MCTP2: variants seen among roughly 807,000 people sequenced by gnomAD.
MCTP2 encodes multiple C2 and transmembrane domain containing 2, also known as multiple C2 and transmembrane domain-containing protein 2.
In MCTP2, 132 loss-of-function variants were observed where a neutral mutation model predicts 111.6. That is an observed-to-expected ratio of 1.18 (90% CI 1.03 to 1.37). The LOEUF is 1.37. Ranked by LOEUF, MCTP2 falls within the 40% of genes most tolerant of loss-of-function variation. The pLI, the probability that MCTP2 is intolerant of heterozygous loss-of-function variation, is 0.00. For synonymous variants in MCTP2, 395 were observed against 387.7 expected (o/e 1.02, Z -0.22); for missense variants, 1,183 against 1,067.9 (o/e 1.11, Z -1.50).
At chr15:94,245,929 A>T (rs2071964897) in intron 1 of MCTP2, among the ~76,000 whole-genome samples, 1 of 152,054 alleles carries the variant, frequency 6.6e-6, no homozygotes, top group Non-Finnish European at 1.5e-5. Flanking sequence ...GTCTCCCTGG[A>T]GTGTCAAGCT....
chr15:94,295,996 G>A (rs181301995), intron 1 of MCTP2, among the ~76,000 whole-genome samples: 22 of 151,932 alleles, frequency 1.4e-4, no homozygotes, highest in Non-Finnish European at 1.2e-4. Context: ...CAATTGCATT[G>A]TTTTAATTTC....
At chr15:94,422,441 T>C (rs1004125389) in intron 17 of MCTP2, among the ~76,000 whole-genome samples, 2 of 152,198 alleles carry the variant, frequency 1.3e-5, no homozygotes, top group Non-Finnish European at 2.9e-5. Context: ...AGTAAAATCT[T>C]GTATTCTCTG....
intron 19 of MCTP2, among the ~76,000 whole-genome samples, chr15:94,444,752 A>G (rs1487468776): frequency 6.6e-6 from 1 of 152,234 alleles, no homozygotes; most frequent in African/African-American, 2.4e-5. Flanking sequence ...TACATTTCTT[A>G]TTATATCATA....
intron 1 of MCTP2, among the ~76,000 whole-genome samples, chr15:94,235,182 C>T (rs1596114676): frequency 6.6e-6 from 1 of 150,738 alleles, no homozygotes; most frequent in East Asian, 1.9e-4. Flanking sequence ...ACTTGGGAGG[C>T]GGAGGTTGCA....
At chr15:94,322,751 C>A (rs1481370271) in intron 4 of MCTP2, among the ~76,000 whole-genome samples, 1 of 152,190 alleles carries the variant, frequency 6.6e-6, no homozygotes, top group Non-Finnish European at 1.5e-5. Context: ...GACATGAAAT[C>A]ATGCAGAAAA....
chr15:94,348,161 T>C (rs1164668086), intron 8 of MCTP2, among the ~76,000 whole-genome samples: 1 of 152,002 alleles, frequency 6.6e-6, no homozygotes, highest in Non-Finnish European at 1.5e-5. Context: ...TGACTTCTAG[T>C]GCCAATTGTT....
chr15:94,325,812 A>ATTTTTTTTTTTTTTTTTTTTTTTTTTTT (rs557989149), intron 4 of MCTP2, among the ~76,000 whole-genome samples: 13 of 91,878 alleles, frequency 1.4e-4, no homozygotes, highest in Middle Eastern at 5.0e-3. Flanking sequence ...CATCGCTCCG[A>ATTTTTTTTTTTTTTTTTTTTTTTTTTTT]TTTTTTTTTT....
intron 7 of MCTP2, 83 bp from the exon 8 acceptor site, chr15:94,345,046 A>G (rs2077892579): frequency 1.4e-6 from 2 of 1,480,588 alleles, no homozygotes; most frequent in Non-Finnish European, 1.9e-6. Flanking sequence ...ACCATCTAAC[A>G]TAATATAATT....
chr15:94,397,867 G>C (rs911813955), intron 14 of MCTP2, among the ~76,000 whole-genome samples: 8 of 152,134 alleles, frequency 5.3e-5, no homozygotes, highest in Non-Finnish European at 8.8e-5. Context: ...TAGAGCTTTT[G>C]ATTAACTGGA....
intron 12 of MCTP2, among the ~76,000 whole-genome samples, chr15:94,372,539 A>C (rs942710861): frequency 9.9e-5 from 15 of 152,240 alleles, no homozygotes; most frequent in African/African-American, 3.6e-4. Flanking sequence ...GGTGGGGATC[A>C]GGCATTACTG....
rs1192211440 is a variant in MCTP2, at chr15:94,481,788, C to T, written c.*2754C>T. 6.6e-6 allele frequency: 1 copy of T among 152,222 alleles called. No individual in the cohort carries two copies. Among genetic ancestry groups the T allele is most frequent in the East Asian group, 1.9e-4 (1 of 5,194 alleles). 9.4% of individuals were successfully genotyped at this position (152,222 alleles called of 1,614,324 possible). On this transcript the variant is annotated 3_prime_UTR_variant, in exon 23 of 23. Transcript: ENST00000357742. The stretch of plus-strand genomic sequence containing the variant: ...CATTACAGCTAGCACCTAATAGTTA[C>T]TCAGGAAATAAATACATGTTTAACA...
chr15:94,403,000 A>G, intron 17 of MCTP2: 1 of 996,196 alleles, frequency 1.0e-6, no homozygotes, highest in Non-Finnish European at 1.2e-6. Flanking sequence ...GGGGGAAAAA[A>G]AACATTTATT....
At chr15:94,317,737 G>A (rs1234196752) in intron 4 of MCTP2, among the ~76,000 whole-genome samples, 1 of 152,172 alleles carries the variant, frequency 6.6e-6, no homozygotes, top group African/African-American at 2.4e-5. Context: ...TTCATGAACT[G>A]ATCTCATGTG....
At chr15:94,328,105 G>T (rs1200884253) in intron 4 of MCTP2, among the ~76,000 whole-genome samples, 1 of 150,456 alleles carries the variant, frequency 6.6e-6, no homozygotes, top group Non-Finnish European at 1.5e-5. Context: ...TGAGGGGGTG[G>T]TTTTTATCAA....
rs760738924 is a variant in MCTP2, at chr15:94,399,962, C to G, written c.1932C>G (p.Arg644=). The change falls in exon 16 of 23, where the codon CGC becomes CGG. Residue 644 remains arginine, a synonymous_variant. Transcript: ENST00000357742. The part of the protein sequence containing the change: ...SIRTFTPREK[R]FVEDSRKLSK... Reference sequence around the variant, plus strand: ...GGACTTTTACTCCCCGGGAAAAGCGCTTTGTTGAAGACAGCCGCAAGCTGT... The same window carrying G: ...GGACTTTTACTCCCCGGGAAAAGCGGTTTGTTGAAGACAGCCGCAAGCTGT... The G allele has an allele frequency of 1.7e-5, 28 of 1,613,910 alleles. No homozygotes were observed. Among genetic ancestry groups the G allele is most frequent in the Non-Finnish European group, 2.4e-5 (28 of 1,179,918 alleles).
At position 94,370,086 on chromosome 15, in the gene MCTP2, G is replaced by A; in HGVS notation, c.1489-1G>A. On this transcript the variant is annotated splice_acceptor_variant, in intron 11 of 22. Transcript: ENST00000357742. LOFTEE classifies it high-confidence loss of function. ...ACTTGTATCACCTTTTCAACCCTCA[G>A]TGCTTACAGAACTCCCTGAAAGATG... 6.2e-7 allele frequency: 1 copy of A among 1,608,466 alleles called. No individual in the cohort carries two copies.
chr15:94,464,165 G>A (rs1031505437), intron 20 of MCTP2, among the ~76,000 whole-genome samples: 1 of 145,074 alleles, frequency 6.9e-6, no homozygotes, highest in Non-Finnish European at 1.5e-5. Context: ...TATAGAATTA[G>A]CTGCTGAAGC....
intron 1 of MCTP2, 41 bp from the exon 2 acceptor site, chr15:94,298,160 T>TG (rs1258004373): frequency 3.4e-5 from 30 of 870,674 alleles, no homozygotes; most frequent in Middle Eastern, 7.0e-4. Flanking sequence ...TGTTTTTTTT[T>TG]TTTGTTTGTT....
At chr15:94,411,812 G>A (rs574402098) in intron 17 of MCTP2, among the ~76,000 whole-genome samples, 20 of 152,168 alleles carry the variant, frequency 1.3e-4, no homozygotes, top group South Asian at 2.1e-4. Flanking sequence ...TCTAAGCCTT[G>A]CTCTTGCACA....
Sources: allele counts gnomAD v4.1 joint callset (sites outside exome capture counted in the v4.1 genomes callset), GRCh38; gene constraint gnomAD v4.1.1; transcripts MANE v1.5; gene names NCBI Gene and HGNC (gene_info 2026-07-23, HGNC 2026-07-21).